AIG1: variants seen among roughly 807,000 people sequenced by gnomAD.
The protein encoded by AIG1 is androgen-induced gene 1 protein.
A neutral mutation model predicts 31.4 loss-of-function variants in AIG1; 23 were observed. The observed-to-expected ratio is 0.73, with a 90% CI of 0.53 to 1.04. AIG1 has a LOEUF of 1.04. Among genes scored for constraint, AIG1 ranks in the 50% least tolerant of loss-of-function variants. AIG1 has a pLI of 0.00. For synonymous variants in AIG1, 100 were observed against 110.5 expected, an observed-to-expected ratio of 0.90 and a Z score of 0.60; for missense variants, 274 against 295.0, an observed-to-expected ratio of 0.93 and a Z score of 0.52.
chr6:143,187,851 T>C lies in AIG1; in HGVS notation c.399+22668T>C, dbSNP rs1789414847. 13 of 1,446,982 alleles carry C rather than the reference T, an allele frequency of 9.0e-6. No individual in the cohort carries two copies. The South Asian group carries it at 1.9e-4, about 21-fold the overall frequency. 89.6% of individuals were successfully genotyped at this position (1,446,982 alleles called of 1,614,324 possible). ...TCAAGAAGTGCCATTTCTCAAGCGA[T>C]GTACAGAAGGGTATCCGCAGCATTG... is the stretch of plus-strand genomic sequence containing the variant. On this transcript the variant is annotated intron_variant, in intron 3 of 5. Coordinates refer to ENST00000357847, the MANE Select transcript of AIG1 (RefSeq NM_016108.4).
At chr6:143,228,521 G>A (rs979556566) in intron 3 of AIG1, among the ~76,000 whole-genome samples, 3 of 152,218 alleles carry the variant, frequency 2.0e-5, no homozygotes, top group East Asian at 1.9e-4. Flanking sequence ...AACTAGGAGA[G>A]TCTACAGGCA....
At chr6:143,303,090 A>G (rs1206751364) in intron 4 of AIG1, among the ~76,000 whole-genome samples, 1 of 151,422 alleles carries the variant, frequency 6.6e-6, no homozygotes, top group Non-Finnish European at 1.5e-5. Context: ...TTTTCTTGTC[A>G]ATTTGTTTGA....
At chr6:143,188,035 AT>A (rs1789430678) in intron 3 of AIG1, 4 of 1,079,704 alleles carry the variant, frequency 3.7e-6, no homozygotes, top group East Asian at 7.1e-5. Context: ...CTTTTAGGTG[AT>A]TTTTAAAAAA....
In AIG1 at chr6:143,334,840, C is replaced by T. The variant is rs1241025964; in HGVS notation, c.679+1395C>T. 6.6e-6 allele frequency among the ~76,000 whole-genome samples: 1 copy of T among 152,122 alleles called. No individual in the cohort carries two copies. Among genetic ancestry groups the T allele is most frequent in the Non-Finnish European group, 1.5e-5 (1 of 68,006 alleles). Reference sequence around the variant, plus strand: ...CTTGATTGATTTGACAGTCATTTGGCCACAGTTCTACTACTTCTATGAGAG... The same window carrying T: ...CTTGATTGATTTGACAGTCATTTGGTCACAGTTCTACTACTTCTATGAGAG... On this transcript the variant is annotated intron_variant, in intron 5 of 5. Transcript: ENST00000357847. The surrounding 1 kb of genome is among the most constrained non-coding windows in gnomAD (Gnocchi z 5.1).
intron 3 of AIG1, among the ~76,000 whole-genome samples, chr6:143,276,854 A>G (rs1392390502): frequency 6.6e-6 from 1 of 152,154 alleles, no homozygotes; most frequent in Non-Finnish European, 1.5e-5. Context: ...AGCCTGCATC[A>G]GTTTTCTTTC....
chr6:143,195,043 G>A (rs1583475152), intron 3 of AIG1, among the ~76,000 whole-genome samples: 1 of 152,206 alleles, frequency 6.6e-6, no homozygotes, highest in Admixed American at 6.5e-5. Flanking sequence ...TTGTGGGATT[G>A]TTCTGGATAC....
intron 1 of AIG1, among the ~76,000 whole-genome samples, chr6:143,071,258 T>G (rs1478006809): frequency 6.6e-6 from 1 of 152,238 alleles, no homozygotes; most frequent in Non-Finnish European, 1.5e-5. Context: ...AGGTGTTACA[T>G]GTATCAGTAG....
intron 4 of AIG1, among the ~76,000 whole-genome samples, chr6:143,305,067 G>T (rs1474033054): frequency 6.6e-6 from 1 of 152,156 alleles, no homozygotes; most frequent in Non-Finnish European, 1.5e-5. Flanking sequence ...GGGATCAGTG[G>T]TGATATCCCC....
At chr6:143,152,732 A>T (rs1260729886) in intron 2 of AIG1, among the ~76,000 whole-genome samples, 1 of 152,178 alleles carries the variant, frequency 6.6e-6, no homozygotes, top group Non-Finnish European at 1.5e-5. Flanking sequence ...CCAGATATAC[A>T]AAAGTTTCCT....
At position 143,258,076 on chromosome 6, in the gene AIG1, C is replaced by A. The variant is rs906110757; in HGVS notation, c.400-26034C>A. On this transcript the variant is annotated intron_variant, in intron 3 of 5. Coordinates refer to ENST00000357847, the MANE Select transcript of AIG1 (RefSeq NM_016108.4). This position sits in a 1 kb window ranked among gnomAD's most constrained non-coding sequence, Gnocchi z 4.7. ...TATAAGCCAACCTGATGCCCAGAGT[C>A]CTCCAATTGAATCCATGGTATCAAC... 6.6e-6 allele frequency among the ~76,000 whole-genome samples: 1 copy of A among 152,160 alleles called. No individual in the cohort carries two copies. Among genetic ancestry groups the A allele is most frequent in the African/African-American group, 2.4e-5 (1 of 41,434 alleles).
intron 4 of AIG1, among the ~76,000 whole-genome samples, chr6:143,303,893 T>C (rs1322612284): frequency 1.3e-5 from 2 of 148,446 alleles, no homozygotes; most frequent in Admixed American, 6.7e-5. Flanking sequence ...GTATCCTCTT[T>C]TATTTCATTG....
In AIG1 at chr6:143,072,598, C is replaced by T. The variant is rs185676127; in HGVS notation, c.141+11532C>T. Among the ~76,000 whole-genome samples the T allele has an allele frequency of 1.8e-3, 272 of 151,886 alleles. 1 individual carries two copies. Among genetic ancestry groups the T allele is most frequent in the African/African-American group, 6.4e-3 (265 of 41,458 alleles). ...ATAGATTTTTTTTTTGTATATGCCC[C>T]TTATCAGTTGATCAGTTGAGTAAGT... On this transcript the variant is annotated intron_variant, in intron 1 of 5. Coordinates refer to ENST00000357847, the MANE Select transcript of AIG1 (RefSeq NM_016108.4).
intron 4 of AIG1, among the ~76,000 whole-genome samples, chr6:143,317,323 T>A (rs979221819): frequency 1.2e-4 from 18 of 152,164 alleles, no homozygotes; most frequent in African/African-American, 3.9e-4. Flanking sequence ...AAGTGTGTTT[T>A]ATACCAGAGA....
chr6:143,177,398 A>G (rs985481257), intron 3 of AIG1, among the ~76,000 whole-genome samples: 3 of 152,152 alleles, frequency 2.0e-5, no homozygotes, highest in African/African-American at 7.2e-5. Context: ...GTTGATATCC[A>G]TGCGTCTGGT....
At chr6:143,162,748 G>C (rs1786515409) in intron 2 of AIG1, among the ~76,000 whole-genome samples, 1 of 152,154 alleles carries the variant, frequency 6.6e-6, no homozygotes, top group Admixed American at 6.5e-5. Context: ...CCACCCCTCA[G>C]GTTAAGGCAA....
Position 143,198,689 on chromosome 6 carries a change from C to T in AIG1, c.399+33506C>T, listed in dbSNP as rs1583485341. Among the ~76,000 whole-genome samples the T allele has an allele frequency of 2.0e-5, 3 of 152,048 alleles. No homozygotes were observed. In the East Asian group the frequency reaches 5.8e-4, roughly 29 times the overall value. On this transcript the variant is annotated intron_variant, in intron 3 of 5. Transcript: ENST00000357847. ...TCCTCATCTGCATAGTGGCAGATGG[C>T]CTACCACACCACGTCTGCATTTAAG...
intron 4 of AIG1, among the ~76,000 whole-genome samples, chr6:143,295,359 T>A (rs1445307350): frequency 1.3e-5 from 2 of 152,162 alleles, no homozygotes; most frequent in Non-Finnish European, 2.9e-5. Context: ...GCTACTCCCT[T>A]GCTCCAAGAC....
intron 1 of AIG1, among the ~76,000 whole-genome samples, chr6:143,065,346 C>T (rs1394037588): frequency 6.6e-6 from 1 of 152,142 alleles, no homozygotes; most frequent in Admixed American, 6.5e-5. Flanking sequence ...AGTAACATGT[C>T]AGGCCAGGAG....
intron 3 of AIG1, among the ~76,000 whole-genome samples, chr6:143,261,481 T>C (rs1176546572): frequency 6.6e-6 from 1 of 152,174 alleles, no homozygotes; most frequent in Non-Finnish European, 1.5e-5. Flanking sequence ...AAGGCTGAAT[T>C]TGGGGGAGGT....
Sources: gnomAD v4.1 joint callset for allele counts (sites outside exome capture counted in the v4.1 genomes callset) on GRCh38, gnomAD v4.1.1 for gene constraint, Gnocchi (gnomAD v3.1) non-coding constraint, MANE v1.5 for transcripts, NCBI Gene and HGNC (gene_info 2026-07-23, HGNC 2026-07-21) for gene names.